The following PLXDC1 variants were observed in gnomAD, a reference collection of about 807,000 sequenced individuals.
The protein encoded by PLXDC1 is plexin domain containing 1, also known as plexin domain-containing protein 1.
In PLXDC1, 39 loss-of-function variants were observed where a neutral mutation model predicts 61.3. That is an observed-to-expected ratio of 0.64 (90% CI 0.49 to 0.83). The LOEUF (loss-of-function observed/expected upper bound fraction) is 0.83, where lower values mean the gene tolerates loss of function less well. PLXDC1 is among the 40% of genes least tolerant of loss of function. The pLI is 0.00. For synonymous variants in PLXDC1, 212 were observed against 254.5 expected, an observed-to-expected ratio of 0.83 and a Z score of 1.59; for missense variants, 596 against 666.5, an observed-to-expected ratio of 0.89 and a Z score of 1.17.
At chr17:39,124,017 C>T (rs1234235885) in intron 2 of PLXDC1, among the ~76,000 whole-genome samples, 1 of 152,034 alleles carries the variant, frequency 6.6e-6, no homozygotes, top group Non-Finnish European at 1.5e-5. Flanking sequence ...CCCTGCCCTT[C>T]GATCGCAGGG....
chr17:39,068,249 A>T (rs1401042249), intron 13 of PLXDC1, among the ~76,000 whole-genome samples: 6 of 152,222 alleles, frequency 3.9e-5, no homozygotes, highest in African/African-American at 1.4e-4. Flanking sequence ...GCAATACACC[A>T]AGTGGAGACC....
upstream of PLXDC1, chr17:39,152,630 C>A (rs1467148238): frequency 1.6e-6 from 2 of 1,245,632 alleles, no homozygotes; most frequent in African/African-American, 3.1e-5. Context: ...TGGGCTGGGG[C>A]CTAGGGACTA....
chr17:39,089,258 G>A (rs766125783), intron 7 of PLXDC1, among the ~76,000 whole-genome samples: 1 of 152,166 alleles, frequency 6.6e-6, no homozygotes. Flanking sequence ...CTCTGGCCAC[G>A]CTGTGATTGT....
intron 2 of PLXDC1, among the ~76,000 whole-genome samples, chr17:39,133,621 TC>T (rs1264313747): frequency 1.3e-5 from 2 of 152,104 alleles, no homozygotes; most frequent in Non-Finnish European, 2.9e-5. Flanking sequence ...CATGGATCAT[TC>T]TTTTCTATTT....
chr17:39,080,161 C>T (rs1168228712), intron 9 of PLXDC1: 1 of 153,116 alleles, frequency 6.5e-6, no homozygotes, highest in East Asian at 1.9e-4. Flanking sequence ...CCTGTAATCC[C>T]AGCGTTTTGA....
intron 2 of PLXDC1, among the ~76,000 whole-genome samples, chr17:39,119,582 C>T (rs544167500): frequency 1.3e-5 from 2 of 152,064 alleles, no homozygotes; most frequent in African/African-American, 4.8e-5. Context: ...ACCATCTCTA[C>T]AAAAAATACC....
In PLXDC1 at chr17:39,151,408, C is replaced by A; in HGVS notation, c.30G>T (p.Leu10=). ...GCGCCCGGGCAGCCTCCCTGAGCAC[C>A]AGCACCAGGAGCCAGAGCTCGCCTC... is the stretch of plus-strand genomic sequence containing the variant. The part of the protein sequence containing the change: MRGELWLLV[L]VLREAARALS... Residue 10 remains leucine (L), a synonymous_variant, in exon 1 of 14, where the codon CTG becomes CTT. Coordinates refer to ENST00000315392, the MANE Select transcript of PLXDC1 (RefSeq NM_020405.5). This position sits in a 1 kb window ranked among gnomAD's most constrained non-coding sequence, Gnocchi z 5.2. 1 of 1,298,150 alleles carries A rather than the reference C, an allele frequency of 7.7e-7. No homozygotes were observed. The allele number at this position is 1,298,150 out of a possible 1,614,324, so 80.4% of individuals were successfully genotyped here.
chr17:39,069,795 T>A, intron 13 of PLXDC1, 61 bp downstream of exon 13: 1 of 1,347,688 alleles, frequency 7.4e-7, no homozygotes, highest in Non-Finnish European at 1.1e-6. Context: ...AGGGACCGAA[T>A]GGCCCAGGAG....
intron 11 of PLXDC1, among the ~76,000 whole-genome samples, chr17:39,075,762 G>C (rs1909302859): frequency 6.6e-6 from 1 of 152,190 alleles, no homozygotes; most frequent in African/African-American, 2.4e-5. Flanking sequence ...TTGTTCTCTA[G>C]TTTTCTAGGT....
chr17:39,075,880 C>T (rs748769907), intron 11 of PLXDC1, among the ~76,000 whole-genome samples: 1 of 152,070 alleles, frequency 6.6e-6, no homozygotes, highest in Non-Finnish European at 1.5e-5. Flanking sequence ...GAGTTTAAGA[C>T]CAGCCTGGCC....
At chr17:39,098,283 C>T (rs1269866059) in intron 7 of PLXDC1, among the ~76,000 whole-genome samples, 1 of 151,648 alleles carries the variant, frequency 6.6e-6, no homozygotes, top group African/African-American at 2.4e-5. Context: ...TGCTTGTTCC[C>T]GTAAGCTAAA....
intron 7 of PLXDC1, among the ~76,000 whole-genome samples, chr17:39,103,416 G>T (rs1910492562): frequency 6.6e-6 from 1 of 152,102 alleles, no homozygotes. Flanking sequence ...GGTGGCATGT[G>T]CCTGTGGCCC....
chr17:39,094,955 G>T (rs1040368025), intron 7 of PLXDC1, among the ~76,000 whole-genome samples: 3 of 152,194 alleles, frequency 2.0e-5, no homozygotes, highest in African/African-American at 7.2e-5. Flanking sequence ...TCAGAAGGAA[G>T]GGGAAATGGG....
Position 39,118,084 on chromosome 17 carries a change from C to CCCTTCCTTCCTTCCTTCCTT in PLXDC1, c.256-8713_256-8694dup, listed in dbSNP as rs56223337. ...TCCTTCCCTCCCTCCCTCCCTCCCT[C>CCCTTCCTTCCTTCCTTCCTT]CCTTCCTTCCTTCCTTCCTTCCTTC... On this transcript the variant is annotated intron_variant, in intron 2 of 13. Transcript: ENST00000315392. Among the ~76,000 whole-genome samples, 934 of 101,904 alleles carry CCCTTCCTTCCTTCCTTCCTT rather than the reference C, an allele frequency of 9.2e-3. 23 individuals are homozygous for CCCTTCCTTCCTTCCTTCCTT. The highest frequency in any genetic ancestry group is 0.034 in the African/African-American group (881 of 26,274). The allele number at this position is 101,904 out of a possible 152,430, so 66.9% of individuals were successfully genotyped here.
intron 7 of PLXDC1, among the ~76,000 whole-genome samples, chr17:39,094,986 T>C (rs1331129941): frequency 6.6e-6 from 1 of 151,972 alleles, no homozygotes; most frequent in African/African-American, 2.4e-5. Context: ...GGACTCAGGG[T>C]GGGGCACAGA....
intron 2 of PLXDC1, among the ~76,000 whole-genome samples, chr17:39,125,054 C>A (rs1275157233): frequency 7.9e-5 from 12 of 152,152 alleles, no homozygotes; most frequent in Admixed American, 7.2e-4. Flanking sequence ...TGGGCTCAAG[C>A]AATCCTCCCT....
At chr17:39,108,464 A>C (rs976521443) in intron 4 of PLXDC1, 45 of 584,280 alleles carry the variant, frequency 7.7e-5, no homozygotes, top group Non-Finnish European at 1.2e-4. Flanking sequence ...AGCAGGGCAC[A>C]GACTATAGGG....
chr17:39,083,788 C>T (rs754328973), intron 8 of PLXDC1, among the ~76,000 whole-genome samples: 25 of 152,232 alleles, frequency 1.6e-4, no homozygotes, highest in Non-Finnish European at 3.1e-4. Context: ...ACTATAGCCT[C>T]GAACTTCTGG....
chr17:39,122,121 G>T (rs557325522), intron 2 of PLXDC1, among the ~76,000 whole-genome samples: 9 of 145,650 alleles, frequency 6.2e-5, no homozygotes, highest in Non-Finnish European at 7.5e-5. Flanking sequence ...AGGGGGGGGG[G>T]ACTGGGTGCA....
Sources: gnomAD v4.1 joint callset for allele counts (sites outside exome capture counted in the v4.1 genomes callset) on GRCh38, gnomAD v4.1.1 for gene constraint, Gnocchi (gnomAD v3.1) non-coding constraint, MANE v1.5 for transcripts, NCBI Gene and HGNC (gene_info 2026-07-23, HGNC 2026-07-21) for gene names.